Variants in ELL observed in about 807,000 individuals in gnomAD.
ELL encodes elongation factor for RNA polymerase II, also known as RNA polymerase II elongation factor ELL.
Under a neutral mutation model 64.0 loss-of-function variants are expected in ELL, and 18 were observed. The observed-to-expected ratio is 0.28, with a 90% CI of 0.19 to 0.42. ELL has a LOEUF of 0.42. Ranked by LOEUF, ELL falls within the 10% of genes least tolerant of loss-of-function variation. The probability of loss-of-function intolerance (pLI) is 1.00; values close to 1 mark genes in which losing one functional copy is unlikely to be tolerated. For synonymous variants in ELL, 399 were observed against 376.2 expected (o/e 1.06, Z -0.70); for missense variants, 797 against 870.4 (o/e 0.92, Z 1.06).
chr19:18,492,348 G>T (rs1404966831), intron 1 of ELL, among the ~76,000 whole-genome samples: 1 of 152,176 alleles, frequency 6.6e-6, no homozygotes, highest in Admixed American at 6.5e-5. Flanking sequence ...TCAGCCTAGG[G>T]GTGTCCTTGA....
At position 18,461,584 on chromosome 19, in the gene ELL, G is replaced by A; in HGVS notation, c.738C>T (p.Leu246=). The change falls in exon 5 of 12, where the codon CTC becomes CTT. Residue 246 remains leucine, a synonymous_variant. Transcript: ENST00000262809. ...QADKDALDGL[L]QQVANMSAKD... is the part of the protein sequence containing the mutation. ...ACATCGGGGCGGCACCCACCTGCTG[G>A]AGGAGGCCATCCAGCGCGTCCTTGT... The A allele has an allele frequency of 6.3e-7, 1 of 1,598,510 alleles. No individual in the cohort carries two copies. Among genetic ancestry groups the A allele is most frequent in the South Asian group, 1.1e-5 (1 of 90,786 alleles).
intron 1 of ELL, among the ~76,000 whole-genome samples, chr19:18,488,711 C>T (rs1028894989): frequency 1.3e-5 from 2 of 152,174 alleles, no homozygotes; most frequent in African/African-American, 4.8e-5. Flanking sequence ...ATGGACAGGG[C>T]TGCGCATCTT....
intron 1 of ELL, among the ~76,000 whole-genome samples, chr19:18,520,507 T>A (rs1169402668): frequency 2.0e-5 from 3 of 151,494 alleles, no homozygotes; most frequent in African/African-American, 7.3e-5. Context: ...CCTCATTCCA[T>A]GAAGGGGAAA....
rs1212034741 is a variant in ELL at position 18,449,163 on chromosome 19, T to A, written c.1465+1314A>T. ...CACCAGGCCAGACAGGAAACCACCT[T>A]GAGTCCCCAGGCCTGTCTTGGCACC... is the stretch of plus-strand genomic sequence containing the variant. On this transcript the variant is annotated intron_variant, in intron 8 of 11. Transcript: ENST00000262809. This position sits in a 1 kb window ranked among gnomAD's most constrained non-coding sequence, Gnocchi z 4.4. Among the ~76,000 whole-genome samples the A allele has an allele frequency of 6.6e-6, 1 of 152,070 alleles. No homozygotes were observed. Among genetic ancestry groups the A allele is most frequent in the Non-Finnish European group, 1.5e-5 (1 of 67,976 alleles).
At chr19:18,495,553 A>G (rs1297131912) in intron 1 of ELL, among the ~76,000 whole-genome samples, 1 of 152,138 alleles carries the variant, frequency 6.6e-6, no homozygotes, top group Non-Finnish European at 1.5e-5. Flanking sequence ...AGCGCCCCGC[A>G]TGAGGGTGCC....
chr19:18,447,230 C>T (rs1974435076), intron 8 of ELL, among the ~76,000 whole-genome samples: 1 of 152,260 alleles, frequency 6.6e-6, no homozygotes, highest in Non-Finnish European at 1.5e-5. Context: ...GGTCACTAAG[C>T]TGAAAACAAA....
intron 1 of ELL, among the ~76,000 whole-genome samples, chr19:18,496,090 C>T (rs531294813): frequency 2.0e-5 from 3 of 152,342 alleles, no homozygotes; most frequent in South Asian, 4.1e-4. Flanking sequence ...TCCCCACAAC[C>T]TCCCGGACAG....
Position 18,449,426 on chromosome 19 carries a change from G to T in ELL, c.1465+1051C>A, listed in dbSNP as rs1202048407. On this transcript the variant is annotated intron_variant, in intron 8 of 11. Transcript: ENST00000262809. The surrounding 1 kb of genome is among the most constrained non-coding windows in gnomAD (Gnocchi z 4.4). ...GGCCCCCACATGCAGTCCCACGGGA[G>T]GTGGGAAGCCCAGCACGAGGCAGGG... Among the ~76,000 whole-genome samples the T allele has an allele frequency of 6.6e-6, 1 of 152,098 alleles. No individual in the cohort carries two copies. The highest frequency in any genetic ancestry group is 2.4e-5 in the African/African-American group (1 of 41,406).
Position 18,443,344 on chromosome 19 carries a change from C to T in ELL, c.*1408G>A, listed in dbSNP as rs1974334064. On this transcript the variant is annotated 3_prime_UTR_variant, in exon 12 of 12. Coordinates refer to ENST00000262809, the MANE Select transcript of ELL (RefSeq NM_006532.4). ...CACTGTGGGCCCTCCACAGTCAGCT[C>T]TTTGGAAGCTGTCAGGAGGCACCCC... 1 of 233,216 alleles carries T rather than the reference C, an allele frequency of 4.3e-6. No homozygotes were observed. The highest frequency in any genetic ancestry group is 2.2e-5 in the African/African-American group (1 of 45,288). The allele number at this position is 233,216 out of a possible 1,614,324, so 14.4% of individuals were successfully genotyped here.
chr19:18,516,336 G>A (rs1435413539), intron 1 of ELL, among the ~76,000 whole-genome samples: 2 of 152,130 alleles, frequency 1.3e-5, no homozygotes, highest in Non-Finnish European at 2.9e-5. Context: ...CAGCACACCG[G>A]CCATGCCTGG....
intron 5 of ELL, among the ~76,000 whole-genome samples, chr19:18,458,876 C>A (rs766152890): frequency 6.6e-6 from 1 of 152,092 alleles, no homozygotes; most frequent in African/African-American, 2.4e-5. Flanking sequence ...ATCCTCTGAT[C>A]TCAGCCTCCC....
intron 1 of ELL, among the ~76,000 whole-genome samples, chr19:18,508,927 C>T (rs4580317): frequency 0.32 from 48,551 of 152,002 alleles, 9,715 homozygotes; most frequent in African/African-American, 0.57. Context: ...ACTCTGTCCG[C>T]GTCCTAACAA....
At chr19:18,497,345 C>T (rs997841223) in intron 1 of ELL, among the ~76,000 whole-genome samples, 11 of 152,148 alleles carry the variant, frequency 7.2e-5, no homozygotes, top group African/African-American at 2.7e-4. Flanking sequence ...GTAAGAGCAT[C>T]GGTGGATGCC....
At chr19:18,471,201 C>T (rs1320940471) in intron 2 of ELL, among the ~76,000 whole-genome samples, 2 of 151,398 alleles carry the variant, frequency 1.3e-5, no homozygotes, top group African/African-American at 2.4e-5. Flanking sequence ...AATGAGACTC[C>T]GTCTTTACAA....
chr19:18,518,489 C>CAAA (rs34535243), intron 1 of ELL, among the ~76,000 whole-genome samples: 1 of 110,624 alleles, frequency 9.0e-6, no homozygotes. Context: ...AACCCTGTCT[C>CAAA]AAAAAAAAAA....
intron 1 of ELL, among the ~76,000 whole-genome samples, chr19:18,509,651 A>G (rs915862939): frequency 1.3e-4 from 16 of 124,536 alleles, no homozygotes; most frequent in Non-Finnish European, 1.9e-4. Context: ...ACACACACAC[A>G]CACACACTCC....
intron 1 of ELL, among the ~76,000 whole-genome samples, chr19:18,489,833 G>T (rs1483432149): frequency 1.3e-5 from 2 of 152,132 alleles, no homozygotes; most frequent in Non-Finnish European, 2.9e-5. Context: ...GTGCGAGGTT[G>T]GTCTCTTCCC....
chr19:18,490,115 C>T (rs774354343), intron 1 of ELL, among the ~76,000 whole-genome samples: 10 of 152,180 alleles, frequency 6.6e-5, no homozygotes, highest in Non-Finnish European at 7.3e-5. Context: ...CTCTCCTGGA[C>T]GCAATCTAAA....
chr19:18,480,934 C>G (rs1600471400), intron 1 of ELL, among the ~76,000 whole-genome samples: 1 of 152,150 alleles, frequency 6.6e-6, no homozygotes, highest in Non-Finnish European at 1.5e-5. Context: ...GCACCCAGCC[C>G]GCAGCAGATA....
Sources: allele counts gnomAD v4.1 joint callset (sites outside exome capture counted in the v4.1 genomes callset), GRCh38; gene constraint gnomAD v4.1.1; non-coding constraint Gnocchi (gnomAD v3.1); transcripts MANE v1.5; gene names NCBI Gene and HGNC (gene_info 2026-07-23, HGNC 2026-07-21).